ARHGAP21: variants seen among roughly 807,000 people sequenced by gnomAD.
ARHGAP21 encodes rho GTPase-activating protein 21.
ARHGAP21 carries 38 observed loss-of-function variants against 164.6 expected under a neutral mutation model. That is an observed-to-expected ratio of 0.23 (90% CI 0.18 to 0.30). The LOEUF is 0.30. Ranked by LOEUF, ARHGAP21 falls within the 10% of genes least tolerant of loss-of-function variation. ARHGAP21 has a pLI of 1.00. For missense variants in ARHGAP21, 1,822 were observed against 2,370.7 expected, an observed-to-expected ratio of 0.77 and a Z score of 4.81; for synonymous variants, 766 against 857.9, an observed-to-expected ratio of 0.89 and a Z score of 1.87.
chr10:24,626,699 CATAG>C (rs1835175475), intron 7 of ARHGAP21, among the ~76,000 whole-genome samples: 1 of 152,108 alleles, frequency 6.6e-6, no homozygotes, highest in South Asian at 2.1e-4. Context: ...TTCACTCATG[CATAG>C]ATAACATTTA....
intron 3 of ARHGAP21, 66 bp downstream of exon 3, chr10:24,670,152 A>G (rs1227763565): frequency 4.7e-5 from 54 of 1,151,168 alleles, no homozygotes; most frequent in Non-Finnish European, 5.9e-5. Flanking sequence ...GGTAAGAGGA[A>G]GACTAGAAGG....
At chr10:24,615,033 A>T (rs1297395086) in intron 9 of ARHGAP21, among the ~76,000 whole-genome samples, 1 of 151,870 alleles carries the variant, frequency 6.6e-6, no homozygotes, top group African/African-American at 2.4e-5. Context: ...TACTAAAAAT[A>T]CAAAAAATTA....
intron 4 of ARHGAP21, among the ~76,000 whole-genome samples, chr10:24,647,697 A>G (rs1380966456): frequency 6.6e-6 from 1 of 152,204 alleles, no homozygotes; most frequent in African/African-American, 2.4e-5. Flanking sequence ...TGTACCAGGT[A>G]CTTACTAGGC....
intron 2 of ARHGAP21, among the ~76,000 whole-genome samples, chr10:24,678,693 T>G (rs1387518482): frequency 6.6e-6 from 1 of 151,962 alleles, no homozygotes; most frequent in Non-Finnish European, 1.5e-5. Flanking sequence ...AGGGTTTTTG[T>G]TTGTTTGTTT....
chr10:24,583,955 A>G lies in ARHGAP21; in HGVS notation c.*457T>C, dbSNP rs2075995003. The G allele has an allele frequency of 1.3e-5, 2 of 152,818 alleles. No homozygotes were observed. Among genetic ancestry groups the G allele is most frequent in the East Asian group, 3.8e-4 (2 of 5,198 alleles). 9.5% of individuals were successfully genotyped at this position (152,818 alleles called of 1,614,324 possible). On this transcript the variant is annotated 3_prime_UTR_variant, in exon 26 of 26. Transcript: ENST00000396432. Reference sequence around the variant, plus strand: ...TGGAAGTTCTGTATCCACCTGTGTTAAAACTGGTAAATGTAATGATATCTG... The same window carrying G: ...TGGAAGTTCTGTATCCACCTGTGTTGAAACTGGTAAATGTAATGATATCTG...
At chr10:24,720,394 T>G (rs937677730) in intron 2 of ARHGAP21, among the ~76,000 whole-genome samples, 5 of 152,216 alleles carry the variant, frequency 3.3e-5, no homozygotes, top group African/African-American at 1.2e-4. Context: ...CAATACACAT[T>G]AAGCAATCAC....
At chr10:24,653,568 G>T (rs928127905) in intron 4 of ARHGAP21, among the ~76,000 whole-genome samples, 3 of 150,018 alleles carry the variant, frequency 2.0e-5, no homozygotes, top group African/African-American at 7.4e-5. Flanking sequence ...GAGAGACTCT[G>T]TCTCAAAAAA....
intron 2 of ARHGAP21, among the ~76,000 whole-genome samples, chr10:24,678,502 T>C (rs907131364): frequency 1.3e-5 from 2 of 152,044 alleles, no homozygotes; most frequent in Non-Finnish European, 2.9e-5. Flanking sequence ...CTTTTTGTTG[T>C]TGTTGTTTTG....
At chr10:24,701,743 G>A (rs1420008852) in intron 2 of ARHGAP21, among the ~76,000 whole-genome samples, 1 of 152,182 alleles carries the variant, frequency 6.6e-6, no homozygotes, top group Non-Finnish European at 1.5e-5. Flanking sequence ...GCTAATATGG[G>A]CAGCCTCTGG....
chr10:24,690,252 T>C lies in ARHGAP21; in HGVS notation c.64-19855A>G, dbSNP rs117169193. ...TGAGAATTACATTAGGATAAATTCC[T>C]AAGAATGGAGCTGCTGGCTCAAATG... On this transcript the variant is annotated intron_variant, in intron 2 of 25. Coordinates refer to ENST00000396432, the MANE Select transcript of ARHGAP21 (RefSeq NM_020824.4). Among the ~76,000 whole-genome samples, 10 of 152,306 alleles carry C rather than the reference T, an allele frequency of 6.6e-5. No homozygotes were observed. The East Asian group carries it at 1.7e-3, about 26-fold the overall frequency.
intron 2 of ARHGAP21, among the ~76,000 whole-genome samples, chr10:24,719,013 C>T (rs1241638640): frequency 6.6e-6 from 1 of 151,492 alleles, no homozygotes. Context: ...GTGATAATAT[C>T]ATAGAGGATT....
intron 2 of ARHGAP21, among the ~76,000 whole-genome samples, chr10:24,701,920 T>C (rs889190312): frequency 1.3e-5 from 2 of 152,172 alleles, no homozygotes; most frequent in Admixed American, 1.3e-4. Flanking sequence ...TCCCTATGTA[T>C]GTGGCTGTGT....
intron 2 of ARHGAP21, among the ~76,000 whole-genome samples, chr10:24,700,025 C>T (rs903506202): frequency 2.6e-5 from 4 of 152,048 alleles, no homozygotes; most frequent in Non-Finnish European, 5.9e-5. Context: ...GTGATAGCTG[C>T]AATTCTGAAG....
Position 24,593,212 on chromosome 10 carries a change from A to G in ARHGAP21, c.3877-1200T>C, listed in dbSNP as rs577960399. ...GACACCATCAGTGCAGAGGAAGAAG[A>G]AGAAATTGTGTTGAAGTCAGGATTC... On this transcript the variant is annotated intron_variant, in intron 21 of 25. Transcript: ENST00000396432. Among the ~76,000 whole-genome samples the G allele has an allele frequency of 1.3e-4, 20 of 152,334 alleles. No individual in the cohort carries two copies. In the South Asian group the frequency reaches 4.1e-3, roughly 32 times the overall value.
Position 24,723,851 on chromosome 10 carries a change from C to T in ARHGAP21, c.-670G>A, listed in dbSNP as rs1846165465. Among the ~76,000 whole-genome samples the T allele has an allele frequency of 1.3e-5, 2 of 150,472 alleles. No homozygotes were observed. The highest frequency in any genetic ancestry group is 1.3e-4 in the Admixed American group (2 of 15,152). ...TCGCCTCGCCGGGCCGGGCCGGGGC[C>T]CAGCTCCGGCGCCCGCGAACGCCAA... On this transcript the variant is annotated 5_prime_UTR_variant, in exon 1 of 26. Transcript: ENST00000396432.
At chr10:24,613,608 G>A (rs1004754137) in intron 9 of ARHGAP21, among the ~76,000 whole-genome samples, 1 of 152,192 alleles carries the variant, frequency 6.6e-6, no homozygotes, top group Non-Finnish European at 1.5e-5. Flanking sequence ...GTTAGGAAGG[G>A]GAGAGTATTT....
intron 2 of ARHGAP21, among the ~76,000 whole-genome samples, chr10:24,688,050 C>T (rs1842379808): frequency 6.6e-6 from 1 of 152,208 alleles, no homozygotes; most frequent in Admixed American, 6.5e-5. Context: ...AGAGACTACA[C>T]AATTTCAAAG....
intron 2 of ARHGAP21, among the ~76,000 whole-genome samples, chr10:24,709,888 T>TA (rs1844609791): frequency 6.6e-6 from 1 of 152,088 alleles, no homozygotes; most frequent in South Asian, 2.1e-4. Context: ...CAAGCTCAAC[T>TA]CTTACAACTG....
chr10:24,656,482 T>C (rs1199626385), intron 4 of ARHGAP21, among the ~76,000 whole-genome samples: 1 of 51,462 alleles, frequency 1.9e-5, no homozygotes, highest in Non-Finnish European at 3.8e-5. Context: ...GAGGAGCCCC[T>C]CTGCCCGGCC....
Sources: gnomAD v4.1 joint callset for allele counts (sites outside exome capture counted in the v4.1 genomes callset) on GRCh38, gnomAD v4.1.1 for gene constraint, MANE v1.5 for transcripts, NCBI Gene and HGNC (gene_info 2026-07-23, HGNC 2026-07-21) for gene names.